Variants in HMBOX1 observed in about 807,000 individuals in gnomAD.
HMBOX1 encodes homeobox-containing protein 1.
A neutral mutation model predicts 54.5 loss-of-function variants in HMBOX1; 14 were observed. That is an observed-to-expected ratio of 0.26 (90% CI 0.17 to 0.40). The LOEUF (loss-of-function observed/expected upper bound fraction) is 0.40. Among genes scored for constraint, HMBOX1 ranks in the 10% least tolerant of loss-of-function variants. The probability of loss-of-function intolerance (pLI) is 1.00; values close to 1 mark genes in which losing one functional copy is unlikely to be tolerated. For missense variants in HMBOX1, 332 were observed against 514.4 expected (o/e 0.65, Z 3.43); for synonymous variants, 160 against 181.0 (o/e 0.88, Z 0.93).
At chr8:28,962,421 G>A (rs898133228) in intron 1 of HMBOX1, among the ~76,000 whole-genome samples, 13 of 126,910 alleles carry the variant, frequency 1.0e-4, no homozygotes, top group Admixed American at 6.5e-4. Context: ...CCCTCTAGAA[G>A]GGGAGCCTGA....
rs371903315 is a variant in HMBOX1, at chr8:28,895,669, A to G, written c.-58+4991A>G. ...CAGCCTGGGCAACAGAGTGAGACTC[A>G]GTCTCAAAAAAAAAAAAATTTTGAT... On this transcript the variant is annotated intron_variant, in intron 1 of 9. Coordinates refer to ENST00000287701, the MANE Select transcript of HMBOX1 (RefSeq NM_001135726.3). Among the ~76,000 whole-genome samples, 441 of 151,580 alleles carry G rather than the reference A, an allele frequency of 2.9e-3. 5 individuals are homozygous for G. The highest frequency in any genetic ancestry group is 9.9e-3 in the African/African-American group (408 of 41,070).
At chr8:28,930,309 C>T (rs757521634) in intron 1 of HMBOX1, among the ~76,000 whole-genome samples, 2 of 152,130 alleles carry the variant, frequency 1.3e-5, no homozygotes, top group African/African-American at 4.8e-5. Context: ...TTATAAATTT[C>T]TTCCTTTCTG....
chr8:28,900,271 A>ATATATATATATATAT (rs1554519262), intron 1 of HMBOX1, among the ~76,000 whole-genome samples: 19 of 70,326 alleles, frequency 2.7e-4, no homozygotes, highest in Admixed American at 4.4e-4. Flanking sequence ...AAAAAAAAAA[A>ATATATATATATATAT]ATATATATAT....
chr8:28,953,482 C>T (rs1026478784), intron 1 of HMBOX1, among the ~76,000 whole-genome samples: 3 of 152,162 alleles, frequency 2.0e-5, no homozygotes, highest in African/African-American at 4.8e-5. Context: ...ATGACTTTAA[C>T]TTCTCGATGA....
chr8:29,052,495 G>C lies in HMBOX1; in HGVS notation c.*1340G>C, dbSNP rs1396615475. On this transcript the variant is annotated 3_prime_UTR_variant, in exon 10 of 10. Transcript: ENST00000287701. ...ATTTTTTTCCTTGATCACATATGTA[G>C]CACTTTTGTTACTTTTTAAAGATAT... is the stretch of plus-strand genomic sequence containing the variant. 1 of 152,062 alleles carries C rather than the reference G, an allele frequency of 6.6e-6. No homozygotes were observed. The highest frequency in any genetic ancestry group is 1.5e-5 in the Non-Finnish European group (1 of 68,020). 9.4% of individuals were successfully genotyped at this position (152,062 alleles called of 1,614,324 possible). A position where few individuals can be genotyped will look rare whatever the true frequency, so the allele number is the denominator to read the frequency against.
chr8:28,958,989 C>T (rs1052288827), intron 1 of HMBOX1, among the ~76,000 whole-genome samples: 3 of 152,014 alleles, frequency 2.0e-5, no homozygotes, highest in Admixed American at 6.6e-5. Context: ...CCTTATCCAC[C>T]GGGAATACAT....
intron 4 of HMBOX1, among the ~76,000 whole-genome samples, chr8:29,000,589 T>G (rs1832498184): frequency 6.6e-6 from 1 of 152,254 alleles, no homozygotes; most frequent in Admixed American, 6.5e-5. Flanking sequence ...CTCACATCTG[T>G]CTTTCCTCCT....
intron 1 of HMBOX1, among the ~76,000 whole-genome samples, chr8:28,928,686 GA>G (rs1275174507): frequency 6.6e-6 from 1 of 152,188 alleles, no homozygotes; most frequent in African/African-American, 2.4e-5. Context: ...TTATTCATTA[GA>G]AAACAAGGAT....
At chr8:28,913,159 G>A (rs762513525) in intron 1 of HMBOX1, among the ~76,000 whole-genome samples, 1 of 152,080 alleles carries the variant, frequency 6.6e-6, no homozygotes, top group African/African-American at 2.4e-5. Flanking sequence ...CCTAGTGCTG[G>A]TCTTGCCCTC....
intron 1 of HMBOX1, among the ~76,000 whole-genome samples, chr8:28,945,767 A>G (rs1365620554): frequency 2.0e-5 from 3 of 152,086 alleles, no homozygotes; most frequent in Non-Finnish European, 2.9e-5. Context: ...CAGAATTTTA[A>G]GAGTCCATTA....
intron 1 of HMBOX1, among the ~76,000 whole-genome samples, chr8:28,920,669 G>A (rs768133768): frequency 4.6e-5 from 7 of 152,106 alleles, no homozygotes; most frequent in Non-Finnish European, 8.8e-5. Flanking sequence ...GAATATAAAC[G>A]AGCCAAGAAG....
chr8:28,913,353 A>G (rs1465719524), intron 1 of HMBOX1, among the ~76,000 whole-genome samples: 1 of 152,080 alleles, frequency 6.6e-6, no homozygotes, highest in Non-Finnish European at 1.5e-5. Context: ...ATCTTCTTTA[A>G]GTTTCTCAGT....
chr8:29,018,861 C>T lies in HMBOX1; in HGVS notation c.799C>T (p.Arg267Ter). 1 of 1,614,076 alleles carries T rather than the reference C, an allele frequency of 6.2e-7. No individual in the cohort carries two copies. Among genetic ancestry groups the T allele is most frequent in the Non-Finnish European group, 8.5e-7 (1 of 1,179,964 alleles). The stretch of plus-strand genomic sequence containing the variant: ...TGCCACATCTGGTACTTTCCGACTG[C>T]GACGAGGGAGTCGATTTACCTGGAG... ...VSATSGTFRL[R>*]RGSRFTWRKE... Residue 267 changes from arginine (R) to a stop codon, truncating the protein, a stop_gained, in exon 6 of 10, where the codon CGA (arginine) becomes TGA (stop). Transcript: ENST00000287701. LOFTEE classifies it high-confidence loss of function.
chr8:28,938,802 CTG>C (rs1563427014), intron 1 of HMBOX1, among the ~76,000 whole-genome samples: 1 of 151,656 alleles, frequency 6.6e-6, no homozygotes, highest in Non-Finnish European at 1.5e-5. Flanking sequence ...CTTTTTCTAT[CTG>C]TGGAAATTCA....
At chr8:28,927,831 C>CA (rs34952149) in intron 1 of HMBOX1, among the ~76,000 whole-genome samples, 29,625 of 52,806 alleles carry the variant, frequency 0.56, 9,165 homozygotes, top group Non-Finnish European at 0.65. Flanking sequence ...AACTCAGTCT[C>CA]AAAAAAAAAA....
In HMBOX1 at chr8:29,045,432, T is replaced by C; in HGVS notation, c.923T>C (p.Ile308Thr). ...ATTGCAAACGCTTGCAATGCAGTTA[T>C]ACAGAAGCCAGGTAAGGTCGCAGGC... ...EEIANACNAV[I>T]QKPGKKLSDL... The change falls in exon 7 of 10, where the codon ATA (isoleucine) becomes ACA (threonine). Residue 308 changes from isoleucine (I) to threonine (T), a missense_variant. This residue lies in a region of HMBOX1 where 117 missense variants were observed against 220.0 expected (regional missense o/e 0.53). Coordinates refer to ENST00000287701, the MANE Select transcript of HMBOX1 (RefSeq NM_001135726.3). 1 of 1,613,964 alleles carries C rather than the reference T, an allele frequency of 6.2e-7. No homozygotes were observed. Among genetic ancestry groups the C allele is most frequent in the Non-Finnish European group, 8.5e-7 (1 of 1,179,810 alleles).
Position 29,008,840 on chromosome 8 carries a change from G to T in HMBOX1, c.587-232G>T, listed in dbSNP as rs1357052905. On this transcript the variant is annotated intron_variant, in intron 4 of 9. Coordinates refer to ENST00000287701, the MANE Select transcript of HMBOX1 (RefSeq NM_001135726.3). ...TTGGAGATTAATTTTAGAGGCCATT[G>T]TCGGGTCTTAATTAATAAACTGCCT... Among the ~76,000 whole-genome samples the T allele has an allele frequency of 2.0e-5, 3 of 152,166 alleles. No individual in the cohort carries two copies. In the East Asian group the frequency reaches 5.8e-4, roughly 29 times the overall value.
At chr8:29,009,690 G>A in intron 5 of HMBOX1, 3 of 1,287,060 alleles carry the variant, frequency 2.3e-6, no homozygotes, top group Non-Finnish European at 3.0e-6. Flanking sequence ...TTAGGATGCA[G>A]CTGCCCTGAT....
At chr8:28,958,365 T>G (rs1824846932) in intron 1 of HMBOX1, among the ~76,000 whole-genome samples, 2 of 152,254 alleles carry the variant, frequency 1.3e-5, no homozygotes, top group African/African-American at 2.4e-5. Flanking sequence ...TTCCAATATT[T>G]TTGCCAGTTA....
Sources: allele counts gnomAD v4.1 joint callset (sites outside exome capture counted in the v4.1 genomes callset), GRCh38; gene constraint gnomAD v4.1.1; regional missense constraint gnomAD v4.1.1; transcripts MANE v1.5; gene names NCBI Gene and HGNC (gene_info 2026-07-23, HGNC 2026-07-21).